Variants in AATF observed in about 807,000 individuals in gnomAD.
AATF encodes the protein protein AATF.
In AATF, 48 loss-of-function variants were observed where a neutral mutation model predicts 63.7. The ratio of observed to expected loss-of-function variants is 0.75; its 90% CI spans 0.60 to 0.96. The LOEUF (loss-of-function observed/expected upper bound fraction) is 0.96. Ranked by LOEUF, AATF falls within the 40% of genes least tolerant of loss-of-function variation. The pLI, the probability that AATF is intolerant of heterozygous loss-of-function variation, is 0.00. For missense variants in AATF, 639 were observed against 685.7 expected (o/e 0.93, Z 0.76); for synonymous variants, 258 against 247.7 (o/e 1.04, Z -0.39).
intron 11 of AATF, among the ~76,000 whole-genome samples, chr17:37,042,737 CTT>C (rs556843023): frequency 3.6e-5 from 5 of 137,386 alleles, no homozygotes; most frequent in Non-Finnish European, 4.8e-5. Flanking sequence ...TTTTTTCTTT[CTT>C]TTTTTTTTTT....
chr17:37,033,603 CTCTATTAGGATTAATT>C (rs953399803), intron 11 of AATF: 1 of 154,572 alleles, frequency 6.5e-6, no homozygotes, highest in African/African-American at 2.4e-5. Flanking sequence ...TTGAAAATGA[CTCTATTAGGATTAATT>C]TGGGTATGGC....
chr17:37,021,804 C>CAA (rs1246008885), intron 10 of AATF, among the ~76,000 whole-genome samples: 12 of 91,490 alleles, frequency 1.3e-4, no homozygotes, highest in East Asian at 2.8e-4. Context: ...GACTCCGTCT[C>CAA]AAAAAAAAAA....
chr17:36,951,544 G>A (rs891496956), intron 2 of AATF, among the ~76,000 whole-genome samples: 13 of 152,142 alleles, frequency 8.5e-5, no homozygotes, highest in Non-Finnish European at 1.6e-4. Flanking sequence ...AATTGCGCAG[G>A]AAGTTATTAC....
At chr17:37,009,823 CAAAAAAAAAAA>C (rs1160362372) in intron 8 of AATF, among the ~76,000 whole-genome samples, 85 of 28,806 alleles carry the variant, frequency 3.0e-3, no homozygotes, top group African/African-American at 6.7e-3. Context: ...GACTCCGTCT[CAAAAAAAAAAA>C]AAAAAAAAAA....
At chr17:36,959,024 T>C (rs1266943720) in intron 4 of AATF, among the ~76,000 whole-genome samples, 1 of 152,070 alleles carries the variant, frequency 6.6e-6, no homozygotes, top group Non-Finnish European at 1.5e-5. Flanking sequence ...CGGGCACCTG[T>C]AATTCCAGCT....
At chr17:37,002,533 G>A (rs922119918) in intron 8 of AATF, among the ~76,000 whole-genome samples, 12 of 151,164 alleles carry the variant, frequency 7.9e-5, no homozygotes, top group Admixed American at 2.0e-4. Context: ...AAAATTAGCC[G>A]TGGTGGTGGG....
At chr17:37,007,005 C>T (rs2071346299) in intron 8 of AATF, among the ~76,000 whole-genome samples, 1 of 152,196 alleles carries the variant, frequency 6.6e-6, no homozygotes, top group Non-Finnish European at 1.5e-5. Context: ...ATTTGAGTAA[C>T]CAAAGGTGGA....
intron 4 of AATF, among the ~76,000 whole-genome samples, chr17:36,966,756 T>A (rs2070994982): frequency 6.6e-6 from 1 of 152,134 alleles, no homozygotes; most frequent in Non-Finnish European, 1.5e-5. Flanking sequence ...TTGGACATTT[T>A]CCTTTCTTGG....
At chr17:36,981,293 T>C (rs1181256419) in intron 4 of AATF, among the ~76,000 whole-genome samples, 2 of 152,198 alleles carry the variant, frequency 1.3e-5, no homozygotes, top group East Asian at 1.9e-4. Context: ...AATTCTGACA[T>C]GCATGTTGAG....
chr17:36,953,981 CT>C, intron 4 of AATF, 74 bp downstream of exon 4: 2 of 1,497,788 alleles, frequency 1.3e-6, no homozygotes, highest in East Asian at 4.6e-5. Flanking sequence ...TTGAAGTGGA[CT>C]GGGAGCTTGA....
chr17:37,002,613 A>G (rs111759538), intron 8 of AATF, among the ~76,000 whole-genome samples: 5 of 151,970 alleles, frequency 3.3e-5, no homozygotes, highest in African/African-American at 1.2e-4. Context: ...CGGAGCTTGC[A>G]GTGAGCCAAG....
At chr17:37,034,346 G>A (rs1472877530) in intron 11 of AATF, among the ~76,000 whole-genome samples, 3 of 152,128 alleles carry the variant, frequency 2.0e-5, no homozygotes, top group African/African-American at 7.2e-5. Context: ...GAAGGAAGTA[G>A]TAATAGCTTA....
At chr17:36,981,315 A>G (rs1335262710) in intron 4 of AATF, among the ~76,000 whole-genome samples, 1 of 152,218 alleles carries the variant, frequency 6.6e-6, no homozygotes, top group Non-Finnish European at 1.5e-5. Flanking sequence ...ACAAGTAGCT[A>G]TAAATAATAT....
At chr17:36,962,601 A>G (rs917551156) in intron 4 of AATF, among the ~76,000 whole-genome samples, 46 of 151,558 alleles carry the variant, frequency 3.0e-4, no homozygotes, top group African/African-American at 1.1e-3. Flanking sequence ...TAGACAGAGC[A>G]GGGCTATCCC....
intron 8 of AATF, among the ~76,000 whole-genome samples, chr17:37,002,079 G>A (rs981797213): frequency 5.9e-5 from 9 of 151,778 alleles, no homozygotes; most frequent in Admixed American, 4.6e-4. Flanking sequence ...GTGTACGCCT[G>A]TAATCCCAGC....
chr17:36,999,395 A>C (rs922773519), intron 8 of AATF, among the ~76,000 whole-genome samples: 2 of 152,166 alleles, frequency 1.3e-5, no homozygotes, highest in East Asian at 1.9e-4. Flanking sequence ...TTTAGATTTA[A>C]ATTTTGATTA....
chr17:36,952,437 T>C (rs911300983), intron 2 of AATF, among the ~76,000 whole-genome samples: 6 of 152,224 alleles, frequency 3.9e-5, no homozygotes, highest in African/African-American at 1.4e-4. Flanking sequence ...ACGGATGTGA[T>C]AGATTGTACA....
Position 36,953,300 on chromosome 17 carries a change from T to C in AATF, c.694+4T>C. 1 of 1,604,494 alleles carries C rather than the reference T, an allele frequency of 6.2e-7. No individual in the cohort carries two copies. Among genetic ancestry groups the C allele is most frequent in the Non-Finnish European group, 8.5e-7 (1 of 1,173,654 alleles). ...AGAGCCGTGAAGAACCAGATAGGTT[T>C]GTACATGGTTTTGCTGATTGCCTGT... On this transcript the variant is annotated splice_donor_region_variant and intron_variant, in intron 3 of 11. Transcript: ENST00000619387.
intron 4 of AATF, among the ~76,000 whole-genome samples, chr17:36,986,277 C>T (rs1428859578): frequency 5.3e-5 from 8 of 152,270 alleles, no homozygotes; most frequent in East Asian, 1.9e-4. Context: ...TTAACACCAA[C>T]GGAACAAATT....
Sources: allele counts gnomAD v4.1 joint callset (sites outside exome capture counted in the v4.1 genomes callset), GRCh38; gene constraint gnomAD v4.1.1; transcripts MANE v1.5; gene names NCBI Gene and HGNC (gene_info 2026-07-23, HGNC 2026-07-21).